Variants in PAK1 observed in about 807,000 individuals in gnomAD.
PAK1 encodes p21 (RAC1) activated kinase 1.
A neutral mutation model predicts 67.4 loss-of-function variants in PAK1; 29 were observed. That is an observed-to-expected ratio of 0.43 (90% CI 0.32 to 0.59). The LOEUF is 0.59. Ranked by LOEUF, PAK1 falls within the 20% of genes least tolerant of loss-of-function variation. PAK1 has a pLI of 0.07. For missense variants in PAK1, 337 were observed against 670.7 expected, an observed-to-expected ratio of 0.50 and a Z score of 5.50; for synonymous variants, 223 against 237.4, an observed-to-expected ratio of 0.94 and a Z score of 0.56.
At chr11:77,505,988 G>A in the PAK1 span, among the ~76,000 whole-genome samples, 3 of 152,156 alleles carry the variant, frequency 2.0e-5, no homozygotes, top group African/African-American at 7.2e-5. Context: ...AAGGTGGCAA[G>A]GGAGGAACAT....
Position 77,353,619 on chromosome 11 carries a change from C to G in PAK1, c.773-20G>C. The G allele has an allele frequency of 6.3e-7, 1 of 1,581,184 alleles. No individual in the cohort carries two copies. The highest frequency in any genetic ancestry group is 1.3e-5 in the African/African-American group (1 of 74,326). On this transcript the variant is annotated intron_variant, in intron 7 of 14. Coordinates refer to ENST00000356341, the MANE Select transcript of PAK1 (RefSeq NM_002576.5). ...TGCTTCCTTTGAAAGAAACAGAGAC[C>G]ATGAATCATTTTTTCCCAAATCAAG...
chr11:77,454,015 G>C (rs1956975554), intron 1 of PAK1, among the ~76,000 whole-genome samples: 1 of 152,194 alleles, frequency 6.6e-6, no homozygotes, highest in Admixed American at 6.5e-5. Context: ...AGTGAACTAT[G>C]ATCAGGCCAC....
intron 1 of PAK1, among the ~76,000 whole-genome samples, chr11:77,441,935 T>A (rs988432612): frequency 2.6e-5 from 4 of 152,126 alleles, no homozygotes; most frequent in Non-Finnish European, 5.9e-5. Flanking sequence ...CTCACGAAAG[T>A]GTCTGGTTGC....
At chr11:77,373,257 AGGTGT>A (rs1948668321) in intron 5 of PAK1, among the ~76,000 whole-genome samples, 1 of 152,172 alleles carries the variant, frequency 6.6e-6, no homozygotes, top group South Asian at 2.1e-4. Flanking sequence ...AATAGCAACC[AGGTGT>A]GGTGGCTCAC....
chr11:77,506,948 G>C, the PAK1 span, among the ~76,000 whole-genome samples: 2 of 152,172 alleles, frequency 1.3e-5, no homozygotes, highest in Non-Finnish European at 2.9e-5. Context: ...AAGCATATAG[G>C]CTCCATGAAG....
chr11:77,334,237 T>C (rs1262594604), intron 13 of PAK1, among the ~76,000 whole-genome samples: 1 of 152,126 alleles, frequency 6.6e-6, no homozygotes, highest in Non-Finnish European at 1.5e-5. Context: ...TTCTGTCTTA[T>C]TTCCAACATA....
intron 1 of PAK1, among the ~76,000 whole-genome samples, chr11:77,407,883 G>C (rs2137917318): frequency 1.3e-5 from 2 of 152,312 alleles, no homozygotes; most frequent in Middle Eastern, 6.8e-3. Flanking sequence ...TTTGGCTATG[G>C]CACAGTGACC....
At chr11:77,382,067 A>T (rs1299499577) in intron 2 of PAK1, among the ~76,000 whole-genome samples, 1 of 152,158 alleles carries the variant, frequency 6.6e-6, no homozygotes, top group Non-Finnish European at 1.5e-5. Flanking sequence ...AGGGAAGTAC[A>T]ATTATATTTG....
chr11:77,360,060 C>T (rs1946576623), intron 5 of PAK1, among the ~76,000 whole-genome samples: 1 of 152,064 alleles, frequency 6.6e-6, no homozygotes, highest in Non-Finnish European at 1.5e-5. Flanking sequence ...AGGAGATAGA[C>T]AGGATGAGAG....
chr11:77,528,092 C>G, the PAK1 span, among the ~76,000 whole-genome samples: 1 of 151,980 alleles, frequency 6.6e-6, no homozygotes, highest in Middle Eastern at 3.2e-3. Context: ...CTCAAGCAAT[C>G]CTACAGTCAT....
intron 1 of PAK1, among the ~76,000 whole-genome samples, chr11:77,418,819 G>T (rs187542443): frequency 2.0e-4 from 31 of 152,112 alleles, no homozygotes; most frequent in Admixed American, 2.0e-3. Flanking sequence ...AATGGCCTAC[G>T]TCTCCAGGAA....
intron 1 of PAK1, among the ~76,000 whole-genome samples, chr11:77,407,523 T>A (rs2137905224): frequency 6.6e-6 from 1 of 152,296 alleles, no homozygotes; most frequent in Non-Finnish European, 1.5e-5. Flanking sequence ...TCTGAGCAAT[T>A]TTTCACGGCT....
Position 77,392,479 on chromosome 11 carries a change from G to C in PAK1, c.42C>G (p.Ala14=). Residue 14 remains alanine, a synonymous_variant, in exon 2 of 15, where the codon GCC becomes GCG. Coordinates refer to ENST00000356341, the MANE Select transcript of PAK1 (RefSeq NM_002576.5). ...TAGTGCTGGTATTTCTCATCGGAGG[G>C]GCTGGGGGTTTGTCTTGAATGTCTA... ...NGLDIQDKPP[A]PPMRNTSTMI... 6.2e-7 allele frequency: 1 copy of C among 1,613,262 alleles called. No homozygotes were observed. The highest frequency in any genetic ancestry group is 8.5e-7 in the Non-Finnish European group (1 of 1,179,526).
chr11:77,425,912 T>A (rs1592425165), intron 1 of PAK1, among the ~76,000 whole-genome samples: 1 of 152,048 alleles, frequency 6.6e-6, no homozygotes, highest in Middle Eastern at 3.2e-3. Flanking sequence ...AAGGCTACAG[T>A]GGGCTATGAT....
Position 77,439,366 on chromosome 11 carries a change from T to C in PAK1, c.-22+34186A>G, listed in dbSNP as rs1956260636. 2.0e-5 allele frequency among the ~76,000 whole-genome samples: 3 copies of C among 151,830 alleles called. No individual in the cohort carries two copies. The South Asian group carries it at 6.2e-4, about 32-fold the overall frequency. Reference sequence around the variant, plus strand: ...TAAAAGCCAAAATTATATATATACATAAAATAAAAAATGAAAGCCAAAATA... The same window carrying C: ...TAAAAGCCAAAATTATATATATACACAAAATAAAAAATGAAAGCCAAAATA... On this transcript the variant is annotated intron_variant, in intron 1 of 14. Coordinates refer to ENST00000356341, the MANE Select transcript of PAK1 (RefSeq NM_002576.5).
chr11:77,420,146 G>A (rs1312879332), intron 1 of PAK1, among the ~76,000 whole-genome samples: 1 of 152,142 alleles, frequency 6.6e-6, no homozygotes, highest in Non-Finnish European at 1.5e-5. Flanking sequence ...CAGTATTTGG[G>A]TTGGTATTGA....
At chr11:77,479,396 T>A (rs559547407), upstream of PAK1, among the ~76,000 whole-genome samples, 184 of 152,176 alleles carry the variant, frequency 1.2e-3, 1 homozygote, top group African/African-American at 4.2e-3. Context: ...TGTAAGCCAC[T>A]AAGTTTGTGG....
At chr11:77,441,616 T>C (rs1176317780) in intron 1 of PAK1, among the ~76,000 whole-genome samples, 1 of 152,192 alleles carries the variant, frequency 6.6e-6, no homozygotes, top group Non-Finnish European at 1.5e-5. Flanking sequence ...AACACTTCCT[T>C]GTTATACTTA....
At chr11:77,332,245 A>C (rs1017620025) in intron 14 of PAK1, among the ~76,000 whole-genome samples, 1 of 136,356 alleles carries the variant, frequency 7.3e-6, no homozygotes, top group Non-Finnish European at 1.6e-5. Flanking sequence ...CCAGGAGAGG[A>C]AGACTGCAGT....
Sources: allele counts gnomAD v4.1 joint callset (sites outside exome capture counted in the v4.1 genomes callset), GRCh38; gene constraint gnomAD v4.1.1; transcripts MANE v1.5; gene names NCBI Gene and HGNC (gene_info 2026-07-23, HGNC 2026-07-21).